The following UBP1 variants were observed in gnomAD, a reference collection of about 807,000 sequenced individuals.
UBP1 encodes the protein upstream binding protein 1.
In UBP1, 22 loss-of-function variants were observed where a neutral mutation model predicts 76.1. The observed-to-expected ratio is 0.29, with a 90% CI of 0.21 to 0.41. The LOEUF (loss-of-function observed/expected upper bound fraction) is 0.41. Among genes scored for constraint, UBP1 ranks in the 10% least tolerant of loss-of-function variants. UBP1 has a pLI of 1.00. For missense variants in UBP1, 436 were observed against 668.1 expected, an observed-to-expected ratio of 0.65 and a Z score of 3.83; for synonymous variants, 224 against 237.1, an observed-to-expected ratio of 0.94 and a Z score of 0.51.
intron 4 of UBP1, 148 bp downstream of exon 4, chr3:33,412,572 GCT>G (rs2044618273): frequency 1.7e-6 from 1 of 585,012 alleles, no homozygotes; most frequent in Admixed American, 3.0e-5. Flanking sequence ...AGAGAGCAAG[GCT>G]CTGTCTCAAA....
At chr3:33,422,284 C>T (rs1455687899) in intron 2 of UBP1, among the ~76,000 whole-genome samples, 2 of 151,984 alleles carry the variant, frequency 1.3e-5, no homozygotes, top group East Asian at 3.9e-4. Flanking sequence ...TTAAGGACTA[C>T]ATCCCAGCTA....
At chr3:33,411,443 T>G in intron 5 of UBP1, 138 bp downstream of exon 5, 1 of 684,944 alleles carries the variant, frequency 1.5e-6, no homozygotes, top group Admixed American at 2.8e-5. Flanking sequence ...AGATTAAACC[T>G]AACTATGTAT....
Position 33,393,452 on chromosome 3 carries a change from A to C in UBP1, c.1393T>G (p.Tyr465Asp). The change falls in exon 14 of 16, where the codon TAT (tyrosine) becomes GAT (aspartate). Residue 465 changes from tyrosine (Y) to aspartate (D), a missense_variant and splice_region_variant. Coordinates refer to ENST00000283629, the MANE Select transcript of UBP1 (RefSeq NM_014517.5). ...SENGSGAPYV[Y>D]HAIYLEEMIA... Reference sequence around the variant, plus strand: ...ATTTCTTCCAAGTAGATTGCATGATAAACTGAAATTAAAAAAAAAAAAAGA... The same window carrying C: ...ATTTCTTCCAAGTAGATTGCATGATCAACTGAAATTAAAAAAAAAAAAAGA... 6.3e-7 allele frequency: 1 copy of C among 1,591,660 alleles called. No homozygotes were observed. Among genetic ancestry groups the C allele is most frequent in the Non-Finnish European group, 8.5e-7 (1 of 1,173,814 alleles).
chr3:33,441,268 C>G (rs946990962), upstream of UBP1: 1 of 152,306 alleles, frequency 6.6e-6, no homozygotes, highest in Non-Finnish European at 1.5e-5. Context: ...GGCTGACTTA[C>G]AGAGCCAGTG....
chr3:33,432,700 A>C (rs1027860222), intron 1 of UBP1, among the ~76,000 whole-genome samples: 3 of 152,246 alleles, frequency 2.0e-5, no homozygotes, highest in Non-Finnish European at 4.4e-5. Flanking sequence ...AAATCATAAA[A>C]GAAGGAAAAA....
At chr3:33,418,860 CAAAAAAA>C (rs59774815) in intron 2 of UBP1, among the ~76,000 whole-genome samples, 4 of 76,768 alleles carry the variant, frequency 5.2e-5, no homozygotes, top group South Asian at 9.4e-4. Context: ...ACTCTGTCTC[CAAAAAAA>C]AAAAAAAAAA....
intron 5 of UBP1, 94 bp from the exon 6 acceptor site, chr3:33,409,695 A>T: frequency 6.8e-7 from 1 of 1,479,364 alleles, no homozygotes. Flanking sequence ...ACCACTATAA[A>T]TTCAAGATCC....
chr3:33,414,620 A>G (rs560085944), intron 3 of UBP1, among the ~76,000 whole-genome samples: 9 of 152,196 alleles, frequency 5.9e-5, no homozygotes, highest in Non-Finnish European at 1.3e-4. Flanking sequence ...AATTTGAAGC[A>G]TATTTTAGGG....
rs1364757009 is a variant in UBP1 at position 33,415,004 on chromosome 3, T to C, written c.342+1754A>G. 2.0e-5 allele frequency among the ~76,000 whole-genome samples: 3 copies of C among 152,212 alleles called. No homozygotes were observed. In the East Asian group the frequency reaches 5.8e-4, roughly 29 times the overall value. On this transcript the variant is annotated intron_variant, in intron 3 of 15. Coordinates refer to ENST00000283629, the MANE Select transcript of UBP1 (RefSeq NM_014517.5). ...AGGTGTCATTTTTCCCTTAATTTAT[T>C]TGCTTGCATTAATTTTGTATATTAA...
At chr3:33,428,694 C>T (rs1191620495) in intron 1 of UBP1, among the ~76,000 whole-genome samples, 1 of 151,918 alleles carries the variant, frequency 6.6e-6, no homozygotes, top group Non-Finnish European at 1.5e-5. Flanking sequence ...AAAATGCCTT[C>T]CAGTCAACAC....
chr3:33,429,204 T>C (rs2045072407), intron 1 of UBP1, among the ~76,000 whole-genome samples: 3 of 152,172 alleles, frequency 2.0e-5, no homozygotes, highest in African/African-American at 4.8e-5. Flanking sequence ...AGTATTAAGA[T>C]TGAAAACTAG....
rs2043608184 is a variant in UBP1 at position 33,388,486 on chromosome 3, G to A, written c.*1845C>T. ...TCAATGCCACTCAGTATAATTTCAAGTCTGATAAGCATCTAAGTATTTTTA... is the reference window on the plus strand; with the variant it reads ...TCAATGCCACTCAGTATAATTTCAAATCTGATAAGCATCTAAGTATTTTTA... On this transcript the variant is annotated 3_prime_UTR_variant, in exon 16 of 16. Transcript: ENST00000283629. 6.6e-6 allele frequency: 1 copy of A among 152,578 alleles called. No homozygotes were observed. The highest frequency in any genetic ancestry group is 1.5e-5 in the Non-Finnish European group (1 of 68,036). 9.5% of individuals were successfully genotyped at this position (152,578 alleles called of 1,614,324 possible). A position where few individuals can be genotyped will look rare whatever the true frequency, so the allele number is the denominator to read the frequency against.
At chr3:33,397,297 T>C in intron 11 of UBP1, 162 bp from the exon 12 acceptor site, 2 of 504,530 alleles carry the variant, frequency 4.0e-6, no homozygotes, top group Middle Eastern at 5.1e-4. Context: ...ACACCTGTCC[T>C]TCAGAGCCAA....
At chr3:33,413,089 G>C (rs1167957435) in intron 3 of UBP1, among the ~76,000 whole-genome samples, 6 of 152,114 alleles carry the variant, frequency 3.9e-5, no homozygotes, top group African/African-American at 1.4e-4. Context: ...ATTTGTTATT[G>C]CAATTCAAAA....
chr3:33,417,018 A>G (rs1028246599), intron 2 of UBP1, among the ~76,000 whole-genome samples, 184 bp from the exon 3 acceptor site: 1 of 152,200 alleles, frequency 6.6e-6, no homozygotes, highest in Non-Finnish European at 1.5e-5. Context: ...CTGTTCTAAC[A>G]TTATTACAGG....
At chr3:33,394,191 TTTA>T (rs148929407) in intron 13 of UBP1, among the ~76,000 whole-genome samples, 37,747 of 143,244 alleles carry the variant, frequency 0.26, 5,877 homozygotes, top group East Asian at 0.58. Flanking sequence ...CTGGCTAATT[TTTA>T]TTATTATTAT....
chr3:33,439,549 C>T (rs1446724524), intron 1 of UBP1, among the ~76,000 whole-genome samples, 187 bp downstream of exon 1: 1 of 152,256 alleles, frequency 6.6e-6, no homozygotes, highest in Non-Finnish European at 1.5e-5. Context: ...CCCCCACCCG[C>T]CCGTCACCAG....
At position 33,390,092 on chromosome 3, in the gene UBP1, G is replaced by A; in HGVS notation, c.*239C>T. 1 of 474,258 alleles carries A rather than the reference G, an allele frequency of 2.1e-6. No homozygotes were observed. The highest frequency in any genetic ancestry group is 3.8e-6 in the Non-Finnish European group (1 of 264,312). The allele number at this position is 474,258 out of a possible 1,614,324, so 29.4% of individuals were successfully genotyped here. Reference sequence around the variant, plus strand: ...CAGCAGGCAGCTATGCCTGCACCGTGGCCTCCAGAGCTGGATGCATGCTGT... The same window carrying A: ...CAGCAGGCAGCTATGCCTGCACCGTAGCCTCCAGAGCTGGATGCATGCTGT... On this transcript the variant is annotated 3_prime_UTR_variant, in exon 16 of 16. Coordinates refer to ENST00000283629, the MANE Select transcript of UBP1 (RefSeq NM_014517.5).
intron 2 of UBP1, 46 bp from the exon 3 acceptor site, chr3:33,416,880 T>C: frequency 6.9e-7 from 1 of 1,458,696 alleles, no homozygotes; most frequent in Non-Finnish European, 9.6e-7. Flanking sequence ...ATAAAGAACA[T>C]CACTTTGCTT....
Sources: gnomAD v4.1 joint callset for allele counts (sites outside exome capture counted in the v4.1 genomes callset) on GRCh38, gnomAD v4.1.1 for gene constraint, MANE v1.5 for transcripts, NCBI Gene and HGNC (gene_info 2026-07-23, HGNC 2026-07-21) for gene names.